PUS7L: variants seen among roughly 807,000 people sequenced by gnomAD.
PUS7L encodes the protein pseudouridine synthase 7 like.
PUS7L carries 49 observed loss-of-function variants against 51.1 expected under a neutral mutation model. The observed-to-expected ratio is 0.96, with a 90% CI of 0.76 to 1.22. PUS7L has a LOEUF of 1.22. Among genes scored for constraint, PUS7L ranks in the 50% most tolerant of loss-of-function variants. The probability of loss-of-function intolerance (pLI) is 0.00; values close to 1 mark genes in which losing one functional copy is unlikely to be tolerated. For synonymous variants in PUS7L, 277 were observed against 276.2 expected, an observed-to-expected ratio of 1.00 and a Z score of -0.03; for missense variants, 828 against 820.6, an observed-to-expected ratio of 1.01 and a Z score of -0.11.
rs1184513711 is a variant in PUS7L at position 43,719,234 on chromosome 12, T to TA, written c.*11141dup. 6.6e-6 allele frequency: 1 copy of TA among 152,074 alleles called. No individual in the cohort carries two copies. The highest frequency in any genetic ancestry group is 1.5e-5 in the Non-Finnish European group (1 of 68,006). The allele number at this position is 152,074 out of a possible 1,614,324, so 9.4% of individuals were successfully genotyped here. A position where few individuals can be genotyped will look rare whatever the true frequency, so the allele number is the denominator to read the frequency against. ...GATTGATCTCAGAAACAGTATTGAG[T>TA]AAAACAAGGAAGACACAAACACAGA... On this transcript the variant is annotated 3_prime_UTR_variant, in exon 9 of 9. Coordinates refer to ENST00000344862, the MANE Select transcript of PUS7L (RefSeq NM_031292.5).
rs1039856036 is a variant in PUS7L, at chr12:43,721,694, C to A, written c.*8682G>T. ...AGAACTATACAAAAGGCTATGAGAA[C>A]ACAGATTTCACATAAAAGACATTTA... is the stretch of plus-strand genomic sequence containing the variant. On this transcript the variant is annotated 3_prime_UTR_variant, in exon 9 of 9. Coordinates refer to ENST00000344862, the MANE Select transcript of PUS7L (RefSeq NM_031292.5). 1 of 152,112 alleles carries A rather than the reference C, an allele frequency of 6.6e-6. No homozygotes were observed. The highest frequency in any genetic ancestry group is 1.5e-5 in the Non-Finnish European group (1 of 68,002). 9.4% of individuals were successfully genotyped at this position (152,112 alleles called of 1,614,324 possible). A position where few individuals can be genotyped will look rare whatever the true frequency, so the allele number is the denominator to read the frequency against.
rs1007903610 is a variant in PUS7L, at chr12:43,738,343, C to T, written c.1411G>A (p.Val471Ile). Residue 471 changes from valine (V) to isoleucine (I), a missense_variant, in exon 6 of 9, where the codon GTA becomes ATA. Coordinates refer to ENST00000344862, the MANE Select transcript of PUS7L (RefSeq NM_031292.5). ...FLTPEDLDDP[V>I]NRAKKYFLQT... The stretch of plus-strand genomic sequence containing the variant: ...AGAAAATACTTCTTTGCTCTATTTA[C>T]AGGATCATCCAAGTCTTCTGGTGTA... 28 of 1,596,054 alleles carry T rather than the reference C, an allele frequency of 1.8e-5. No homozygotes were observed. Among genetic ancestry groups the T allele is most frequent in the Non-Finnish European group, 2.4e-5 (28 of 1,164,352 alleles).
Position 43,754,741 on chromosome 12 carries a change from TG to T in PUS7L, c.504del (p.Asp168GlufsTer19). 2 of 1,614,052 alleles carry T rather than the reference TG, an allele frequency of 1.2e-6. No homozygotes were observed. The highest frequency in any genetic ancestry group is 1.7e-6 in the Non-Finnish European group (2 of 1,179,930). The part of the protein sequence containing the change: ...PPEFSIGRIL[D>X]KNQRASLHSA... ...CTGTGTAAACTAGCCCTCTGGTTTT[TG>T]TCAAGGATTCTGCCTATTGAGAATT... On this transcript the variant is annotated frameshift_variant, in exon 2 of 9. Transcript: ENST00000344862. LOFTEE classifies it high-confidence loss of function.
At chr12:43,758,061 C>T (rs1938913384) in intron 1 of PUS7L, among the ~76,000 whole-genome samples, 1 of 152,124 alleles carries the variant, frequency 6.6e-6, no homozygotes, top group Non-Finnish European at 1.5e-5. Flanking sequence ...TAAGATGATT[C>T]TGATGGAAAT....
Position 43,755,351 on chromosome 12 carries a change from C to A in PUS7L, c.-16-90G>T, listed in dbSNP as rs2137767763. 6.8e-6 allele frequency: 5 copies of A among 735,994 alleles called. No individual in the cohort carries two copies. The South Asian group carries it at 1.1e-4, about 17-fold the overall frequency. 45.6% of individuals were successfully genotyped at this position (735,994 alleles called of 1,614,324 possible). A position where few individuals can be genotyped will look rare whatever the true frequency, so the allele number is the denominator to read the frequency against. ...ATAGGTTTGCAGGATTTAGTTAATT[C>A]TGTCTCTCTTTTAATTCTGAGTCTT... On this transcript the variant is annotated intron_variant, in intron 1 of 8. Coordinates refer to ENST00000344862, the MANE Select transcript of PUS7L (RefSeq NM_031292.5).
In PUS7L at chr12:43,729,128, A is replaced by G. The variant is rs1944496014; in HGVS notation, c.*1248T>C. 2.5e-6 allele frequency: 1 copy of G among 396,628 alleles called. No homozygotes were observed. The highest frequency in any genetic ancestry group is 4.4e-5 in the Admixed American group (1 of 22,682). 24.6% of individuals were successfully genotyped at this position (396,628 alleles called of 1,614,324 possible). ...TTTTTAAATAACTACATATTTTACCATCAAGTTGATACACATCATTTTACT... is the reference window on the plus strand; with the variant it reads ...TTTTTAAATAACTACATATTTTACCGTCAAGTTGATACACATCATTTTACT... On this transcript the variant is annotated 3_prime_UTR_variant, in exon 9 of 9. Coordinates refer to ENST00000344862, the MANE Select transcript of PUS7L (RefSeq NM_031292.5).
intron 1 of PUS7L, among the ~76,000 whole-genome samples, chr12:43,756,419 T>C (rs999617132): frequency 2.6e-5 from 4 of 152,210 alleles, no homozygotes; most frequent in African/African-American, 9.7e-5. Flanking sequence ...CACTGTTCGT[T>C]GCAAGCCATT....
In PUS7L at chr12:43,721,735, T is replaced by A. The variant is rs111263280; in HGVS notation, c.*8641A>T. The A allele has an allele frequency of 2.1e-4, 32 of 152,300 alleles. 1 individual carries two copies. The highest frequency in any genetic ancestry group is 7.7e-4 in the African/African-American group (32 of 41,582). The allele number at this position is 152,300 out of a possible 1,614,324, so 9.4% of individuals were successfully genotyped here. ...AAGACATTTAATATAAGCAGAGATG[T>A]TCCAGCCAATGGGAATGGGAGGTTG... On this transcript the variant is annotated 3_prime_UTR_variant, in exon 9 of 9. Transcript: ENST00000344862.
chr12:43,741,026 T>A (rs1293492733), intron 5 of PUS7L: 1 of 152,216 alleles, frequency 6.6e-6, no homozygotes, highest in Non-Finnish European at 1.5e-5. Flanking sequence ...CCCAAATTCC[T>A]GACTCTCAGA....
At position 43,754,397 on chromosome 12, in the gene PUS7L, T is replaced by C; in HGVS notation, c.849A>G (p.Lys283=). The C allele has an allele frequency of 1.2e-6, 2 of 1,611,020 alleles. No individual in the cohort carries two copies. The highest frequency in any genetic ancestry group is 1.7e-6 in the Non-Finnish European group (2 of 1,178,650). Residue 283 remains lysine (K), a synonymous_variant, in exon 2 of 9, where the codon AAA becomes AAG. Coordinates refer to ENST00000344862, the MANE Select transcript of PUS7L (RefSeq NM_031292.5). ...GAGGCCTTTTCCCACGTTTGTGTGC[T>C]TTTTCCCGAAATCTTACTGTTACCA... ...NVVVTVRFRE[K]AHKRGKRPLS...
rs773220431 is a variant in PUS7L, at chr12:43,748,490, T to C, written c.1030A>G (p.Thr344Ala). The C allele has an allele frequency of 6.8e-6, 11 of 1,608,126 alleles. No individual in the cohort carries two copies. Among genetic ancestry groups the C allele is most frequent in the Middle Eastern group, 1.7e-4 (1 of 6,010 alleles). The change falls in exon 3 of 9, where the codon ACC becomes GCC. Residue 344 changes from threonine to alanine, a missense_variant. Physicochemically the swap from Thr to Ala is moderately conservative, Grantham distance 58. Transcript: ENST00000344862. Reference sequence around the variant, plus strand: ...TTTCTAACAACCATTGCTTGATAGGTGATGGCTTTCTTGTCTTTAAGGCCT... The same window carrying C: ...TTTCTAACAACCATTGCTTGATAGGCGATGGCTTTCTTGTCTTTAAGGCCT... ...YAGLKDKKAI[T>A]YQAMVVRKVT...
At chr12:43,750,030 C>T (rs1167366908) in intron 2 of PUS7L, among the ~76,000 whole-genome samples, 1 of 152,068 alleles carries the variant, frequency 6.6e-6, no homozygotes, top group Admixed American at 6.6e-5. Flanking sequence ...GCACATGTAC[C>T]CCCTGAAACT....
rs1944452723 is a variant in PUS7L at position 43,726,207 on chromosome 12, T to C, written c.*4169A>G. 1 of 151,994 alleles carries C rather than the reference T, an allele frequency of 6.6e-6. No homozygotes were observed. The highest frequency in any genetic ancestry group is 2.4e-5 in the African/African-American group (1 of 41,344). 9.4% of individuals were successfully genotyped at this position (151,994 alleles called of 1,614,324 possible). On this transcript the variant is annotated 3_prime_UTR_variant, in exon 9 of 9. Transcript: ENST00000344862. ...GTACAAAAACAGACACATAGACCAA[T>C]GGAACAGGTTAGAGAACCCAGAAAT...
intron 3 of PUS7L, among the ~76,000 whole-genome samples, chr12:43,747,772 T>C (rs1353513420): frequency 1.3e-5 from 2 of 152,000 alleles, no homozygotes; most frequent in Non-Finnish European, 2.9e-5. Context: ...CAGAGAAAAA[T>C]GTTATTGCAG....
At chr12:43,732,329 G>T (rs1361864909) in intron 7 of PUS7L, among the ~76,000 whole-genome samples, 1 of 151,794 alleles carries the variant, frequency 6.6e-6, no homozygotes, top group Non-Finnish European at 1.5e-5. Flanking sequence ...TGCCTGTAGT[G>T]CTAGCTACAT....
In PUS7L at chr12:43,731,707, G is replaced by T; in HGVS notation, c.1777C>A (p.Gln593Lys). The T allele has an allele frequency of 6.4e-7, 1 of 1,555,508 alleles. No individual in the cohort carries two copies. The highest frequency in any genetic ancestry group is 8.8e-7 in the Non-Finnish European group (1 of 1,135,180). Residue 593 changes from glutamine (Q) to lysine (K), a missense_variant and splice_region_variant, in exon 8 of 9, where the codon CAG becomes AAG. Coordinates refer to ENST00000344862, the MANE Select transcript of PUS7L (RefSeq NM_031292.5). ...TAGTAATTTTTAAGCAAATTTACCT[G>T]ATGTATTGCATACATATTAGCTGAT... is the stretch of plus-strand genomic sequence containing the variant. ...EGSANMYAIH[Q>K]VVLPVLGYNI... is the part of the protein sequence containing the mutation.
In PUS7L at chr12:43,736,612, CT is replaced by C; in HGVS notation, c.1493del (p.Glu498GlyfsTer13). On this transcript the variant is annotated frameshift_variant, in exon 7 of 9. Coordinates refer to ENST00000344862, the MANE Select transcript of PUS7L (RefSeq NM_031292.5). LOFTEE classifies it high-confidence loss of function. ...GGTGCAATGCCTCCAACAATGCTCTCTCACGCACTTTGAATTCAGGCATCAA... is the reference window on the plus strand; with the variant it reads ...GGTGCAATGCCTCCAACAATGCTCTCCACGCACTTTGAATTCAGGCATCAA... ...LSLMPEFKVR[E>X]RALLEALHRF... The C allele has an allele frequency of 6.2e-7, 1 of 1,614,182 alleles. No homozygotes were observed. Among genetic ancestry groups the C allele is most frequent in the South Asian group, 1.1e-5 (1 of 91,088 alleles).
chr12:43,732,413 C>G lies in PUS7L; in HGVS notation c.1726-655G>C, dbSNP rs570804452. On this transcript the variant is annotated intron_variant, in intron 7 of 8. Transcript: ENST00000344862. Reference sequence around the variant, plus strand: ...AGTGAAACATGATGGTGCCACTGCACTCCAGCCTGGGTGACAGAGCAAGAC... The same window carrying G: ...AGTGAAACATGATGGTGCCACTGCAGTCCAGCCTGGGTGACAGAGCAAGAC... 2.0e-5 allele frequency among the ~76,000 whole-genome samples: 3 copies of G among 151,856 alleles called. No homozygotes were observed. In the South Asian group the frequency reaches 6.3e-4, roughly 32 times the overall value.
At position 43,755,117 on chromosome 12, in the gene PUS7L, T is replaced by C. The variant is rs550405574; in HGVS notation, c.129A>G (p.Gly43=). 31 of 1,613,666 alleles carry C rather than the reference T, an allele frequency of 1.9e-5. No homozygotes were observed. The South Asian group carries it at 2.9e-4, about 15-fold the overall frequency. ...CATCGATGGTCTTATTAACTAACTG[T>C]CCCTGTTCATCAATTTCAATAACAA... ...DFIVIEIDEQ[G]QLVNKTIDEP... is the part of the protein sequence containing the mutation. Residue 43 remains glycine, a synonymous_variant, in exon 2 of 9, where the codon GGA becomes GGG. Transcript: ENST00000344862.
Sources: allele counts gnomAD v4.1 joint callset (sites outside exome capture counted in the v4.1 genomes callset), GRCh38; gene constraint gnomAD v4.1.1; transcripts MANE v1.5; gene names NCBI Gene and HGNC (gene_info 2026-07-23, HGNC 2026-07-21).